Variants in PIK3C2G observed in about 807,000 individuals in gnomAD.
PIK3C2G encodes phosphatidylinositol-4-phosphate 3-kinase catalytic subunit type 2 gamma.
Under a neutral mutation model 181.1 loss-of-function variants are expected in PIK3C2G, and 168 were observed. That is an observed-to-expected ratio of 0.93 (90% CI 0.82 to 1.05). The LOEUF (loss-of-function observed/expected upper bound fraction) is 1.05, where lower values mean the gene tolerates loss of function less well. Among genes scored for constraint, PIK3C2G ranks in the 50% least tolerant of loss-of-function variants. The pLI, the probability that PIK3C2G is intolerant of heterozygous loss-of-function variation, is 0.00. For synonymous variants in PIK3C2G, 573 were observed against 592.2 expected (o/e 0.97, Z 0.47); for missense variants, 1,869 against 1,732.8 (o/e 1.08, Z -1.40).
chr12:18,252,204 A>G (rs1777614090), intron 1 of PIK3C2G, among the ~76,000 whole-genome samples: 1 of 152,174 alleles, frequency 6.6e-6, no homozygotes, highest in African/African-American at 2.4e-5. Flanking sequence ...GAAACTATAG[A>G]ACTAATACGG....
intron 4 of PIK3C2G, among the ~76,000 whole-genome samples, 156 bp downstream of exon 4, chr12:18,291,168 T>C (rs905196378): frequency 1.3e-5 from 2 of 152,224 alleles, no homozygotes; most frequent in Non-Finnish European, 2.9e-5. Context: ...CATTTGTTAA[T>C]ACTTAAGGGA....
chr12:18,364,107 T>G (rs1220300107), intron 12 of PIK3C2G, among the ~76,000 whole-genome samples: 1 of 152,192 alleles, frequency 6.6e-6, no homozygotes, highest in Non-Finnish European at 1.5e-5. Context: ...TACCTATCTC[T>G]GCATCTTTAC....
At chr12:18,319,818 C>T (rs369848726) in intron 6 of PIK3C2G, among the ~76,000 whole-genome samples, 2 of 152,114 alleles carry the variant, frequency 1.3e-5, no homozygotes, top group South Asian at 2.1e-4. Context: ...CTTTCTCTGT[C>T]GCAGAAAAAA....
At chr12:18,639,418 T>G (rs1458432680) in intron 31 of PIK3C2G, among the ~76,000 whole-genome samples, 1 of 152,170 alleles carries the variant, frequency 6.6e-6, no homozygotes, top group Non-Finnish European at 1.5e-5. Flanking sequence ...ATTACTGATT[T>G]AATAGAATTA....
chr12:18,544,778 C>T (rs1412980106), intron 25 of PIK3C2G, among the ~76,000 whole-genome samples: 1 of 151,824 alleles, frequency 6.6e-6, no homozygotes, highest in Non-Finnish European at 1.5e-5. Flanking sequence ...CTCCAGGACT[C>T]CCTCATCCAT....
At chr12:18,517,118 G>A (rs1384063533) in intron 24 of PIK3C2G, among the ~76,000 whole-genome samples, 1 of 149,510 alleles carries the variant, frequency 6.7e-6, no homozygotes, top group African/African-American at 2.5e-5. Context: ...TTGAGAAGTT[G>A]GCCATGTCTT....
intron 5 of PIK3C2G, among the ~76,000 whole-genome samples, chr12:18,309,108 T>C (rs1191646922): frequency 2.7e-5 from 4 of 145,596 alleles, no homozygotes; most frequent in Non-Finnish European, 6.1e-5. Flanking sequence ...TAATAGTCTT[T>C]TAAAATTTAG....
intron 30 of PIK3C2G, among the ~76,000 whole-genome samples, chr12:18,608,756 G>A (rs376903393): frequency 6.6e-6 from 1 of 152,020 alleles, no homozygotes; most frequent in South Asian, 2.1e-4. Context: ...GTAATAAGAA[G>A]TTACAATACA....
intron 15 of PIK3C2G, among the ~76,000 whole-genome samples, chr12:18,393,342 A>G (rs968439143): frequency 6.6e-6 from 1 of 152,074 alleles, no homozygotes; most frequent in African/African-American, 2.4e-5. Flanking sequence ...GATGGAGAAC[A>G]GCCTTCAATG....
At chr12:18,400,706 G>A (rs1156494630) in intron 16 of PIK3C2G, among the ~76,000 whole-genome samples, 1 of 152,004 alleles carries the variant, frequency 6.6e-6, no homozygotes, top group Non-Finnish European at 1.5e-5. Flanking sequence ...TGGGTAAAGG[G>A]GAGAGTGGGT....
At chr12:18,569,796 C>A (rs1293781649) in intron 29 of PIK3C2G, among the ~76,000 whole-genome samples, 1 of 152,176 alleles carries the variant, frequency 6.6e-6, no homozygotes, top group Non-Finnish European at 1.5e-5. Context: ...TCATTGAACT[C>A]TTAGCTTGCA....
At chr12:18,349,034 G>A (rs936312626) in intron 11 of PIK3C2G, among the ~76,000 whole-genome samples, 1 of 152,160 alleles carries the variant, frequency 6.6e-6, no homozygotes, top group African/African-American at 2.4e-5. Context: ...TTCAACAAAT[G>A]TCCTCAGGCC....
At chr12:18,310,084 A>T (rs1309031586) in intron 5 of PIK3C2G, among the ~76,000 whole-genome samples, 1 of 151,952 alleles carries the variant, frequency 6.6e-6, no homozygotes, top group African/African-American at 2.4e-5. Context: ...AAGGAGAGCC[A>T]TTAAAATCTA....
chr12:18,495,508 G>T (rs1940932734), intron 20 of PIK3C2G, among the ~76,000 whole-genome samples: 1 of 152,094 alleles, frequency 6.6e-6, no homozygotes, highest in Non-Finnish European at 1.5e-5. Context: ...GTCAGGCATT[G>T]TAAAAGGTAT....
At chr12:18,388,196 C>G (rs185652941) in intron 14 of PIK3C2G, among the ~76,000 whole-genome samples, 1 of 152,096 alleles carries the variant, frequency 6.6e-6, no homozygotes, top group South Asian at 2.1e-4. Flanking sequence ...ACAATTGCCA[C>G]CCAGTTAGCA....
chr12:18,302,551 T>C (rs931507007), intron 5 of PIK3C2G, among the ~76,000 whole-genome samples: 2 of 152,056 alleles, frequency 1.3e-5, no homozygotes, highest in African/African-American at 2.4e-5. Context: ...TTTGGGCCTG[T>C]TTTGCAGCTC....
In PIK3C2G at chr12:18,307,983, A is replaced by C. The variant is rs187134838; in HGVS notation, c.1035-5979A>C. ...AAAGAAAATCATTGAGATGTTTCAC[A>C]TTATTTAATATGACAAGTCTTGAAA... is the stretch of plus-strand genomic sequence containing the variant. On this transcript the variant is annotated intron_variant, in intron 5 of 32. Coordinates refer to ENST00000538779, the MANE Select transcript of PIK3C2G (RefSeq NM_001288772.2). Among the ~76,000 whole-genome samples the C allele has an allele frequency of 2.0e-3, 298 of 152,058 alleles. 1 individual carries two copies. Among genetic ancestry groups the C allele is most frequent in the Non-Finnish European group, 3.6e-3 (241 of 67,834 alleles).
chr12:18,641,211 G>A (rs1243280644), intron 32 of PIK3C2G, among the ~76,000 whole-genome samples: 1 of 152,092 alleles, frequency 6.6e-6, no homozygotes, highest in East Asian at 1.9e-4. Flanking sequence ...GGCTTGCTAA[G>A]CAAATTTTCT....
chr12:18,622,439 T>C (rs1301259900), intron 31 of PIK3C2G, among the ~76,000 whole-genome samples: 1 of 151,998 alleles, frequency 6.6e-6, no homozygotes, highest in East Asian at 1.9e-4. Context: ...CACCACATTT[T>C]CTTTATCCAT....
Sources: gnomAD v4.1 joint callset for allele counts (sites outside exome capture counted in the v4.1 genomes callset) on GRCh38, gnomAD v4.1.1 for gene constraint, MANE v1.5 for transcripts, NCBI Gene and HGNC (gene_info 2026-07-23, HGNC 2026-07-21) for gene names.